Variants in ADAP2 observed in about 807,000 individuals in gnomAD.
ADAP2 encodes arf-GAP with dual PH domain-containing protein 2.
ADAP2 carries 42 observed loss-of-function variants against 54.9 expected under a neutral mutation model. The ratio of observed to expected loss-of-function variants is 0.77; its 90% CI spans 0.60 to 0.99. The LOEUF (loss-of-function observed/expected upper bound fraction) is 0.99, where lower values mean the gene tolerates loss of function less well. Among genes scored for constraint, ADAP2 ranks in the 50% least tolerant of loss-of-function variants. ADAP2 has a pLI of 0.00. For synonymous variants in ADAP2, 177 were observed against 180.1 expected, an observed-to-expected ratio of 0.98 and a Z score of 0.14; for missense variants, 429 against 480.4, an observed-to-expected ratio of 0.89 and a Z score of 1.00.
At chr17:30,944,771 T>C in intron 5 of ADAP2, 136 bp from the exon 6 acceptor site, 1 of 941,564 alleles carries the variant, frequency 1.1e-6, no homozygotes, top group South Asian at 1.6e-5. Context: ...GTATCTGAAT[T>C]TCGATATGAG....
At chr17:30,925,417 C>T (rs1910966322) in intron 2 of ADAP2, among the ~76,000 whole-genome samples, 1 of 151,812 alleles carries the variant, frequency 6.6e-6, no homozygotes, top group Non-Finnish European at 1.5e-5. Context: ...TCTTGAACAC[C>T]TGACCTGAGG....
chr17:30,944,606 T>C (rs111409152), intron 5 of ADAP2, among the ~76,000 whole-genome samples: 31,616 of 151,822 alleles, frequency 0.21, 10,386 homozygotes, highest in African/African-American at 0.7. Context: ...ATTACAGGTG[T>C]CTACCACCAC....
intron 2 of ADAP2, among the ~76,000 whole-genome samples, chr17:30,925,166 G>A (rs553667830): frequency 1.3e-5 from 2 of 149,506 alleles, no homozygotes; most frequent in East Asian, 2.0e-4. Flanking sequence ...TTACAGGCGT[G>A]AGCCACCGTG....
chr17:30,921,995 C>G lies in ADAP2; in HGVS notation c.-20C>G. On this transcript the variant is annotated 5_prime_UTR_variant, in exon 1 of 11. Coordinates refer to ENST00000330889, the MANE Select transcript of ADAP2 (RefSeq NM_018404.3). ...CGCACGGGCCATGGGCTGAGCCCCGCTGAGCCCGCCGGGCCGGCCATGGGC... is the reference window on the plus strand; with the variant it reads ...CGCACGGGCCATGGGCTGAGCCCCGGTGAGCCCGCCGGGCCGGCCATGGGC... The G allele has an allele frequency of 7.9e-7, 1 of 1,264,954 alleles. No individual in the cohort carries two copies. The highest frequency in any genetic ancestry group is 1.6e-5 in the African/African-American group (1 of 64,242). The allele number at this position is 1,264,954 out of a possible 1,614,324, so 78.4% of individuals were successfully genotyped here.
intron 9 of ADAP2, 70 bp downstream of exon 9, chr17:30,954,625 T>C: frequency 3.0e-6 from 4 of 1,328,072 alleles, no homozygotes; most frequent in Non-Finnish European, 4.3e-6. Flanking sequence ...TCTGGAACTA[T>C]GTGAAAGCTA....
rs144329139 is a variant in ADAP2, at chr17:30,928,844, A to C, written c.317+1926A>C. On this transcript the variant is annotated intron_variant, in intron 3 of 10. Transcript: ENST00000330889. ...CTGAGCCTACGACTCCTTCCCAGGG[A>C]CTTAGACTCCCCACCAGGGCTGCTA... Among the ~76,000 whole-genome samples the C allele has an allele frequency of 2.3e-3, 350 of 152,272 alleles. 1 individual carries two copies. The highest frequency in any genetic ancestry group is 0.015 in the Admixed American group (233 of 15,272).
intron 3 of ADAP2, among the ~76,000 whole-genome samples, chr17:30,930,902 G>A (rs1185463153): frequency 3.3e-5 from 5 of 152,148 alleles, no homozygotes; most frequent in Middle Eastern, 3.2e-3. Flanking sequence ...GTAGGTGCTA[G>A]GCCCTTTATA....
intron 4 of ADAP2, among the ~76,000 whole-genome samples, chr17:30,932,622 G>A (rs1362888034): frequency 1.3e-5 from 2 of 150,438 alleles, no homozygotes; most frequent in Non-Finnish European, 3.0e-5. Flanking sequence ...TTGTTGCCCA[G>A]GGTGGAGTGC....
intron 6 of ADAP2, among the ~76,000 whole-genome samples, chr17:30,946,774 T>A (rs563599006): frequency 6.6e-6 from 1 of 152,302 alleles, no homozygotes; most frequent in East Asian, 1.9e-4. Context: ...GTCACGGACA[T>A]GTTAGTAACT....
intron 5 of ADAP2, among the ~76,000 whole-genome samples, chr17:30,944,700 T>C (rs951673969): frequency 2.6e-5 from 4 of 152,022 alleles, no homozygotes; most frequent in Non-Finnish European, 5.9e-5. Flanking sequence ...CCATAGGTGA[T>C]CCACCCACCT....
intron 4 of ADAP2, among the ~76,000 whole-genome samples, chr17:30,932,676 C>T (rs1388906260): frequency 2.0e-5 from 3 of 151,270 alleles, no homozygotes; most frequent in African/African-American, 7.3e-5. Flanking sequence ...CTCCTGGGTT[C>T]CAGCGATTCT....
chr17:30,931,843 A>AG, intron 3 of ADAP2, 46 bp from the exon 4 acceptor site: 1 of 1,436,650 alleles, frequency 7.0e-7, no homozygotes, highest in Non-Finnish European at 9.6e-7. Context: ...AAAAAAAAAA[A>AG]AGAGAATGCA....
chr17:30,934,292 GA>G lies in ADAP2; in HGVS notation c.507del (p.Glu169AspfsTer15). ...REGLLKYFTK[E>X]QGKSPKAVIS... is the part of the protein sequence containing the mutation. ...AGGCCTCCTGAAGTACTTCACAAAG[GA>G]ACAGGTAAGATGCCAGACCAATGAG... On this transcript the variant is annotated frameshift_variant, in exon 5 of 11. Coordinates refer to ENST00000330889, the MANE Select transcript of ADAP2 (RefSeq NM_018404.3). LOFTEE classifies it high-confidence loss of function. The G allele has an allele frequency of 6.2e-7, 1 of 1,610,730 alleles. No homozygotes were observed. Among genetic ancestry groups the G allele is most frequent in the Non-Finnish European group, 8.5e-7 (1 of 1,177,148 alleles).
intron 4 of ADAP2, 128 bp downstream of exon 4, chr17:30,932,096 A>G: frequency 3.8e-6 from 3 of 782,798 alleles, no homozygotes. Context: ...CGCAGAGGCC[A>G]AGGTGTGGGT....
At chr17:30,951,307 C>T (rs1474441011) in intron 7 of ADAP2, among the ~76,000 whole-genome samples, 1 of 152,114 alleles carries the variant, frequency 6.6e-6, no homozygotes, top group African/African-American at 2.4e-5. Context: ...AGCAGTGCTC[C>T]AGCCATGTGA....
chr17:30,930,209 T>A (rs892733803), intron 3 of ADAP2, among the ~76,000 whole-genome samples: 1 of 151,852 alleles, frequency 6.6e-6, no homozygotes, highest in Non-Finnish European at 1.5e-5. Context: ...GTAGCTGGGA[T>A]TACAGGCACG....
chr17:30,932,247 T>C (rs1911548080), intron 4 of ADAP2, among the ~76,000 whole-genome samples: 1 of 150,046 alleles, frequency 6.7e-6, no homozygotes, highest in Admixed American at 6.6e-5. Flanking sequence ...TTTTTTTTTT[T>C]TTTGAGACAG....
rs1905277197 is a variant in ADAP2 at position 30,959,141 on chromosome 17, T to A, written c.*1272T>A. 6.6e-6 allele frequency: 1 copy of A among 152,224 alleles called. No individual in the cohort carries two copies. Among genetic ancestry groups the A allele is most frequent in the Non-Finnish European group, 1.5e-5 (1 of 68,060 alleles). The allele number at this position is 152,224 out of a possible 1,614,324, so 9.4% of individuals were successfully genotyped here. ...CACCTGTGAACTCTGTTGGGTGTAC[T>A]CTGCTAAGTTCTGGGGATGAGGAAA... On this transcript the variant is annotated 3_prime_UTR_variant, in exon 11 of 11. Transcript: ENST00000330889.
chr17:30,949,552 T>A (rs1346657896), intron 7 of ADAP2, among the ~76,000 whole-genome samples, 182 bp downstream of exon 7: 1 of 151,856 alleles, frequency 6.6e-6, no homozygotes, highest in Non-Finnish European at 1.5e-5. Context: ...ATCGAGACCA[T>A]CCTGGCTAGC....
Sources: allele counts gnomAD v4.1 joint callset (sites outside exome capture counted in the v4.1 genomes callset), GRCh38; gene constraint gnomAD v4.1.1; transcripts MANE v1.5; gene names NCBI Gene and HGNC (gene_info 2026-07-23, HGNC 2026-07-21).